RANBP17: variants seen among roughly 807,000 people sequenced by gnomAD.
RANBP17 encodes the protein ran-binding protein 17.
RANBP17 carries 158 observed loss-of-function variants against 141.2 expected under a neutral mutation model. The observed-to-expected ratio is 1.12, with a 90% CI of 0.98 to 1.28. The LOEUF (loss-of-function observed/expected upper bound fraction) is 1.28. Among genes scored for constraint, RANBP17 ranks in the 50% most tolerant of loss-of-function variants. The pLI is 0.00. For synonymous variants in RANBP17, 430 were observed against 450.0 expected, an observed-to-expected ratio of 0.96 and a Z score of 0.56; for missense variants, 1,438 against 1,290.7, an observed-to-expected ratio of 1.11 and a Z score of -1.75.
At chr5:171,155,065 G>A (rs1425836699) in intron 14 of RANBP17, among the ~76,000 whole-genome samples, 4 of 111,098 alleles carry the variant, frequency 3.6e-5, no homozygotes, top group Non-Finnish European at 6.9e-5. Flanking sequence ...GCGACAGAGT[G>A]ATACTCCATC....
chr5:170,962,892 A>C (rs1421412420), intron 13 of RANBP17, among the ~76,000 whole-genome samples: 2 of 152,210 alleles, frequency 1.3e-5, no homozygotes, highest in African/African-American at 4.8e-5. Context: ...ACATGTTGGC[A>C]ATACGTAGCA....
chr5:170,878,335 AT>A, intron 2 of RANBP17, 92 bp downstream of exon 2: 1 of 1,047,988 alleles, frequency 9.5e-7, no homozygotes, highest in East Asian at 2.7e-5. Context: ...TAACTGATAG[AT>A]ATTGCCACAT....
rs559124074 is a variant in RANBP17, at chr5:171,175,028, C to CT, written c.1865+3744dup. Among the ~76,000 whole-genome samples, 49 of 152,116 alleles carry CT rather than the reference C, an allele frequency of 3.2e-4. No individual in the cohort carries two copies. The South Asian group carries it at 4.6e-3, about 14-fold the overall frequency. On this transcript the variant is annotated intron_variant, in intron 16 of 27. Transcript: ENST00000523189. The stretch of plus-strand genomic sequence containing the variant: ...ATGTGTTGTCATTGTTCACCTCCCA[C>CT]TTATGAGTGAGAACATGTGGTGTTT...
At chr5:171,028,976 A>C in intron 14 of RANBP17, 1 of 1,282,566 alleles carries the variant, frequency 7.8e-7, no homozygotes, top group South Asian at 1.2e-5. Flanking sequence ...CAGGGATCAC[A>C]GTCTAAGGTC....
chr5:171,284,840 A>G (rs1474389066), intron 25 of RANBP17, among the ~76,000 whole-genome samples: 1 of 152,146 alleles, frequency 6.6e-6, no homozygotes, highest in Non-Finnish European at 1.5e-5. Flanking sequence ...CTTACCCGTA[A>G]TTGCTGTTCT....
chr5:171,213,590 T>G, intron 20 of RANBP17, 41 bp from the exon 21 acceptor site: 8 of 1,417,124 alleles, frequency 5.6e-6, no homozygotes, highest in Non-Finnish European at 8.0e-6. Context: ...AGAAACAGTA[T>G]TTCTTTAGAC....
intron 14 of RANBP17, among the ~76,000 whole-genome samples, chr5:171,068,584 G>GTT (rs1369677345): frequency 6.6e-6 from 1 of 151,672 alleles, no homozygotes; most frequent in Non-Finnish European, 1.5e-5. Flanking sequence ...TGTTGTTGTT[G>GTT]TTGTTGTTGT....
chr5:170,896,754 C>T (rs777506793), intron 5 of RANBP17, among the ~76,000 whole-genome samples: 8 of 152,202 alleles, frequency 5.3e-5, no homozygotes, highest in Non-Finnish European at 7.3e-5. Flanking sequence ...TGCTTGAACC[C>T]GGGAGGCAGA....
chr5:170,996,947 A>G (rs866573936), intron 14 of RANBP17, among the ~76,000 whole-genome samples: 46 of 152,304 alleles, frequency 3.0e-4, no homozygotes, highest in African/African-American at 1.1e-3. Context: ...AGAATCCTGA[A>G]TGATACGGTT....
intron 14 of RANBP17, among the ~76,000 whole-genome samples, chr5:170,978,474 TA>T (rs1307612448): frequency 6.6e-6 from 1 of 152,088 alleles, no homozygotes; most frequent in Non-Finnish European, 1.5e-5. Flanking sequence ...AATGGATAAA[TA>T]AATTAATGTA....
chr5:171,147,339 T>TGTG (rs1554105339), intron 14 of RANBP17, among the ~76,000 whole-genome samples: 4 of 104,850 alleles, frequency 3.8e-5, no homozygotes, highest in Admixed American at 1.1e-4. Context: ...CTTGGTTGTT[T>TGTG]TGTGTGTGTG....
intron 9 of RANBP17, among the ~76,000 whole-genome samples, chr5:170,917,310 A>G (rs1425201037): frequency 2.6e-5 from 4 of 152,180 alleles, no homozygotes; most frequent in Non-Finnish European, 5.9e-5. Context: ...CCTCTTGTGG[A>G]CAAGTAAGAG....
rs373496794 is a variant in RANBP17, at chr5:171,117,735, C to T, written c.1711-52395C>T. Among the ~76,000 whole-genome samples the T allele has an allele frequency of 3.9e-5, 6 of 152,060 alleles. No homozygotes were observed. In the East Asian group the frequency reaches 1.2e-3, roughly 29 times the overall value. On this transcript the variant is annotated intron_variant, in intron 14 of 27. Coordinates refer to ENST00000523189, the MANE Select transcript of RANBP17 (RefSeq NM_022897.5). ...TCTCGAACTCCTGACCTTGTTGATC[C>T]ACCCGCCTCAGCCTCCCAGAGTGCT...
Position 171,299,341 on chromosome 5 carries a change from A to C in RANBP17, c.*483A>C. ...GCGTTAGGGACTTTGGGCTGTGAGC[A>C]TTTAGAACGAGCCTGGAAGCACTAC... On this transcript the variant is annotated 3_prime_UTR_variant, in exon 28 of 28. Coordinates refer to ENST00000523189, the MANE Select transcript of RANBP17 (RefSeq NM_022897.5). 1 of 233,100 alleles carries C rather than the reference A, an allele frequency of 4.3e-6. No homozygotes were observed. Among genetic ancestry groups the C allele is most frequent in the Non-Finnish European group, 8.5e-6 (1 of 117,758 alleles). 14.4% of individuals were successfully genotyped at this position (233,100 alleles called of 1,614,324 possible). A position where few individuals can be genotyped will look rare whatever the true frequency, so the allele number is the denominator to read the frequency against.
chr5:170,906,121 A>G (rs1771060228), intron 5 of RANBP17, among the ~76,000 whole-genome samples: 1 of 152,040 alleles, frequency 6.6e-6, no homozygotes, highest in Non-Finnish European at 1.5e-5. Flanking sequence ...CCACAATACA[A>G]CCTTGCAATC....
intron 3 of RANBP17, among the ~76,000 whole-genome samples, chr5:170,889,657 A>G (rs112910814): frequency 6.6e-5 from 10 of 152,206 alleles, no homozygotes; most frequent in Non-Finnish European, 8.8e-5. Context: ...ATAAACATGA[A>G]ATATTATTGT....
intron 12 of RANBP17, among the ~76,000 whole-genome samples, chr5:170,932,791 T>G (rs1383129023): frequency 1.3e-5 from 2 of 152,248 alleles, no homozygotes; most frequent in Non-Finnish European, 2.9e-5. Context: ...CTTTTTGATG[T>G]GCTGCTGGAT....
At chr5:171,014,169 A>G (rs1780271360) in intron 14 of RANBP17, among the ~76,000 whole-genome samples, 1 of 151,946 alleles carries the variant, frequency 6.6e-6, no homozygotes, top group South Asian at 2.1e-4. Context: ...TAATGTTGGC[A>G]TGGTATATCT....
chr5:171,277,938 C>CTTTTTTTTTTTTTTTTTT (rs140208253), intron 25 of RANBP17, among the ~76,000 whole-genome samples: 1 of 72,266 alleles, frequency 1.4e-5, no homozygotes, highest in Non-Finnish European at 2.3e-5. Flanking sequence ...GGACTTCTTT[C>CTTTTTTTTTTTTTTTTTT]TTTTTTTTTT....
Sources: allele counts gnomAD v4.1 joint callset (sites outside exome capture counted in the v4.1 genomes callset), GRCh38; gene constraint gnomAD v4.1.1; transcripts MANE v1.5; gene names NCBI Gene and HGNC (gene_info 2026-07-23, HGNC 2026-07-21).